Variants in CYP27A1 observed in about 807,000 individuals in gnomAD.
CYP27A1 encodes the protein cytochrome P450 family 27 subfamily A member 1.
Under a neutral mutation model 58.2 loss-of-function variants are expected in CYP27A1, and 46 were observed. The observed-to-expected ratio is 0.79, with a 90% CI of 0.62 to 1.01. CYP27A1 has a LOEUF of 1.01. Among genes scored for constraint, CYP27A1 ranks in the 50% least tolerant of loss-of-function variants. CYP27A1 has a pLI of 0.00. For missense variants in CYP27A1, 704 were observed against 687.0 expected, an observed-to-expected ratio of 1.02 and a Z score of -0.28; for synonymous variants, 274 against 285.1, an observed-to-expected ratio of 0.96 and a Z score of 0.39.
intron 1 of CYP27A1, among the ~76,000 whole-genome samples, chr2:218,784,492 C>T (rs1046037463): frequency 6.6e-6 from 1 of 152,188 alleles, no homozygotes; most frequent in African/African-American, 2.4e-5. Flanking sequence ...CTTCCTTTTA[C>T]CTTTCTCACG....
chr2:218,793,183 C>T (rs1267697546), intron 1 of CYP27A1, among the ~76,000 whole-genome samples: 1 of 152,106 alleles, frequency 6.6e-6, no homozygotes, highest in Non-Finnish European at 1.5e-5. Flanking sequence ...TCAAGTGATT[C>T]TCCTGGCTCA....
At chr2:218,793,828 C>T (rs1379763119) in intron 1 of CYP27A1, among the ~76,000 whole-genome samples, 2 of 152,098 alleles carry the variant, frequency 1.3e-5, no homozygotes, top group East Asian at 1.9e-4. Context: ...ATTCTCATGC[C>T]TCAGACTCCC....
chr2:218,814,621 A>G lies in CYP27A1; in HGVS notation c.1340A>G (p.His447Arg). 1 of 1,614,098 alleles carries G rather than the reference A, an allele frequency of 6.2e-7. No individual in the cohort carries two copies. The highest frequency in any genetic ancestry group is 8.5e-7 in the Non-Finnish European group (1 of 1,180,004). ...TCTGAGCCTGAAAGCTTCCAGCCCC[A>G]CCGCTGGCTGAGAAACAGCCAGCCT... is the stretch of plus-strand genomic sequence containing the variant. ...AFSEPESFQP[H>R]RWLRNSQPAT... Residue 447 changes from histidine to arginine, a missense_variant, in exon 8 of 9, where the codon CAC (histidine) becomes CGC (arginine). Coordinates refer to ENST00000258415, the MANE Select transcript of CYP27A1 (RefSeq NM_000784.4).
At position 218,800,863 on chromosome 2, in the gene CYP27A1, C is replaced by T. The variant is rs534508864; in HGVS notation, c.256-8714C>T. Among the ~76,000 whole-genome samples the T allele has an allele frequency of 2.0e-5, 3 of 152,230 alleles. No individual in the cohort carries two copies. In the South Asian group the frequency reaches 6.2e-4, roughly 32 times the overall value. On this transcript the variant is annotated intron_variant, in intron 1 of 8. Transcript: ENST00000258415. Reference sequence around the variant, plus strand: ...GCATACCATATGCTCTCTTTTGTAACTTGCCATTTTACAGAAAAGTAAATA... The same window carrying T: ...GCATACCATATGCTCTCTTTTGTAATTTGCCATTTTACAGAAAAGTAAATA...
intron 1 of CYP27A1, among the ~76,000 whole-genome samples, chr2:218,808,808 A>G (rs764919898): frequency 3.9e-5 from 6 of 152,182 alleles, no homozygotes; most frequent in Non-Finnish European, 8.8e-5. Context: ...ATTTTCAGCA[A>G]CTATAAGACT....
chr2:218,790,628 A>T (rs916128299), intron 1 of CYP27A1, among the ~76,000 whole-genome samples: 26 of 152,222 alleles, frequency 1.7e-4, no homozygotes, highest in African/African-American at 5.1e-4. Context: ...GAGAATTTTA[A>T]GTCTGTTGTG....
chr2:218,813,107 GGGGA>G lies in CYP27A1; in HGVS notation c.1017+15_1017+18del, dbSNP rs1679085939. On this transcript the variant is annotated intron_variant, in intron 5 of 8. Transcript: ENST00000258415. ...GCTGGAGTGGACACGGTGCGTGAAG[GGGGA>G]GGGTGAGACCAGGGGCCCCCAGCTC... is the stretch of plus-strand genomic sequence containing the variant. 6.2e-7 allele frequency: 1 copy of G among 1,602,462 alleles called. No homozygotes were observed. The highest frequency in any genetic ancestry group is 1.3e-5 in the African/African-American group (1 of 74,470).
chr2:218,790,691 ATTTC>A (rs1351438719), intron 1 of CYP27A1, among the ~76,000 whole-genome samples: 36 of 151,502 alleles, frequency 2.4e-4, no homozygotes, highest in Non-Finnish European at 4.1e-4. Flanking sequence ...TGAGGGATAA[ATTTC>A]TTTCTTTCTT....
chr2:218,798,789 A>T (rs894033077), intron 1 of CYP27A1, among the ~76,000 whole-genome samples: 3 of 152,160 alleles, frequency 2.0e-5, no homozygotes, highest in Non-Finnish European at 4.4e-5. Context: ...AGGCTGAGAG[A>T]TGAGAATTGC....
chr2:218,788,023 G>C (rs150797809), intron 1 of CYP27A1, among the ~76,000 whole-genome samples: 8 of 152,296 alleles, frequency 5.3e-5, no homozygotes, highest in African/African-American at 1.7e-4. Context: ...ATGTGGGCAG[G>C]GCACAGTGTA....
intron 1 of CYP27A1, among the ~76,000 whole-genome samples, chr2:218,807,740 C>T (rs1023500174): frequency 2.0e-5 from 3 of 151,774 alleles, no homozygotes; most frequent in African/African-American, 7.3e-5. Context: ...CTCCGAGTAG[C>T]TGGAATCACA....
intron 1 of CYP27A1, among the ~76,000 whole-genome samples, chr2:218,791,666 A>G (rs1943494828): frequency 6.6e-6 from 1 of 152,198 alleles, no homozygotes; most frequent in Admixed American, 6.5e-5. Flanking sequence ...GAGTTATGAA[A>G]TTATGAACCC....
At chr2:218,806,951 A>ATT (rs10647379) in intron 1 of CYP27A1, among the ~76,000 whole-genome samples, 2,100 of 100,428 alleles carry the variant, frequency 0.021, 108 homozygotes, top group Middle Eastern at 0.025. Context: ...CTCCTAGGGA[A>ATT]TTTTTTTTTT....
At chr2:218,788,198 T>G (rs1943457448) in intron 1 of CYP27A1, among the ~76,000 whole-genome samples, 1 of 152,224 alleles carries the variant, frequency 6.6e-6, no homozygotes, top group Non-Finnish European at 1.5e-5. Flanking sequence ...TCTAGTTGCA[T>G]GTTTTGTGCC....
intron 1 of CYP27A1, among the ~76,000 whole-genome samples, chr2:218,794,025 G>T (rs958033342): frequency 5.3e-5 from 8 of 152,124 alleles, no homozygotes; most frequent in Admixed American, 2.0e-4. Flanking sequence ...TGAGAAAAAT[G>T]GAATTTATTG....
rs1435517185 is a variant in CYP27A1, at chr2:218,782,300, G to A, written c.118G>A (p.Ala40Thr). 6.2e-7 allele frequency: 1 copy of A among 1,605,548 alleles called. No homozygotes were observed. The highest frequency in any genetic ancestry group is 8.5e-7 in the Non-Finnish European group (1 of 1,175,910). ...AIPAALPSDK[A>T]TGAPGAGPGV... The stretch of plus-strand genomic sequence containing the variant: ...CCCTGCCGCCCTCCCCTCGGACAAG[G>A]CCACCGGAGCTCCCGGAGCCGGGCC... The change falls in exon 1 of 9, where the codon GCC (alanine) becomes ACC (threonine). Residue 40 changes from alanine (A) to threonine (T), a missense_variant. Transcript: ENST00000258415. This position sits in a 1 kb window ranked among gnomAD's most constrained non-coding sequence, Gnocchi z 4.1.
At position 218,812,714 on chromosome 2, in the gene CYP27A1, G is replaced by T; in HGVS notation, c.809G>T (p.Arg270Leu). 1 of 1,614,206 alleles carries T rather than the reference G, an allele frequency of 6.2e-7. No individual in the cohort carries two copies. Among genetic ancestry groups the T allele is most frequent in the Non-Finnish European group, 8.5e-7 (1 of 1,180,044 alleles). Reference protein sequence around the residue: ...WTRPVLPFWKRYLDGWNAIFS... With the variant: ...WTRPVLPFWKLYLDGWNAIFS... ...CGCCCCGTGCTGCCTTTCTGGAAGC[G>T]ATACCTGGATGGTTGGAATGCCATC... The change falls in exon 4 of 9, where the codon CGA becomes CTA. Residue 270 changes from arginine to leucine, a missense_variant. Coordinates refer to ENST00000258415, the MANE Select transcript of CYP27A1 (RefSeq NM_000784.4).
At chr2:218,785,460 G>T (rs1446359953) in intron 1 of CYP27A1, among the ~76,000 whole-genome samples, 1 of 151,880 alleles carries the variant, frequency 6.6e-6, no homozygotes, top group Non-Finnish European at 1.5e-5. Flanking sequence ...CTTCTGCTTG[G>T]TTTAACCTCT....
rs192494481 is a variant in CYP27A1 at position 218,782,259 on chromosome 2, G to A, written c.77G>A (p.Arg26Lys). The change falls in exon 1 of 9, where the codon AGA becomes AAA. Residue 26 changes from arginine (R) to lysine (K), a missense_variant. Arg to Lys is a conservative substitution (Grantham distance 26, BLOSUM62 2). Transcript: ENST00000258415. This position sits in a 1 kb window ranked among gnomAD's most constrained non-coding sequence, Gnocchi z 4.1. ...AGRGLCPHGA[R>K]AKAAIPAALP... ...CGTGGCCTCTGCCCCCACGGGGCCA[G>A]AGCCAAGGCCGCGATCCCTGCCGCC... The A allele has an allele frequency of 2.6e-6, 4 of 1,561,080 alleles. No homozygotes were observed. In the Admixed American group the frequency reaches 7.6e-5, roughly 30 times the overall value.
Sources: gnomAD v4.1 joint callset for allele counts (sites outside exome capture counted in the v4.1 genomes callset) on GRCh38, gnomAD v4.1.1 for gene constraint, Gnocchi (gnomAD v3.1) non-coding constraint, MANE v1.5 for transcripts, NCBI Gene and HGNC (gene_info 2026-07-23, HGNC 2026-07-21) for gene names.